The following JAG1 variants were observed in gnomAD, a reference collection of about 807,000 sequenced individuals.
JAG1 encodes the protein protein jagged-1.
Under a neutral mutation model 148.7 loss-of-function variants are expected in JAG1, and 23 were observed. The ratio of observed to expected loss-of-function variants is 0.15; its 90% CI spans 0.11 to 0.22. The LOEUF is 0.22. Among genes scored for constraint, JAG1 ranks in the 10% least tolerant of loss-of-function variants. The pLI, the probability that JAG1 is intolerant of heterozygous loss-of-function variation, is 1.00. For missense variants in JAG1, 1,054 were observed against 1,611.2 expected (o/e 0.65, Z 5.92); for synonymous variants, 572 against 598.3 (o/e 0.96, Z 0.64).
intron 3 of JAG1, among the ~76,000 whole-genome samples, chr20:10,659,559 CT>C (rs35826283): frequency 0.43 from 45,132 of 104,508 alleles, 12,072 homozygotes; most frequent in Non-Finnish European, 0.49. Context: ...GATTAAGTTA[CT>C]TTTTTTTTTT....
intron 11 of JAG1, 158 bp from the exon 12 acceptor site, chr20:10,648,880 G>T: frequency 2.2e-6 from 2 of 890,684 alleles, no homozygotes; most frequent in Non-Finnish European, 3.6e-6. Flanking sequence ...ATTTCTATGT[G>T]CATGCCTTCA....
rs746781162 is a variant in JAG1, at chr20:10,638,745, GAA to G, written c.*751_*752del. 1 of 152,522 alleles carries G rather than the reference GAA, an allele frequency of 6.6e-6. No homozygotes were observed. The highest frequency in any genetic ancestry group is 1.5e-5 in the Non-Finnish European group (1 of 68,030). 9.4% of individuals were successfully genotyped at this position (152,522 alleles called of 1,614,324 possible). On this transcript the variant is annotated 3_prime_UTR_variant, in exon 26 of 26. Coordinates refer to ENST00000254958, the MANE Select transcript of JAG1 (RefSeq NM_000214.3). Reference sequence around the variant, plus strand: ...TTGGCTTATAGGCAACAAGTAATGAGAAGAGTTCAAAAAAATAAAGCCATACG... The same window carrying G: ...TTGGCTTATAGGCAACAAGTAATGAGGAGTTCAAAAAAATAAAGCCATACG...
chr20:10,650,499 G>T (rs2067338393), intron 8 of JAG1, 139 bp from the exon 9 acceptor site: 2 of 678,302 alleles, frequency 2.9e-6, no homozygotes, highest in Admixed American at 4.2e-5. Context: ...AGCAGGACAA[G>T]TGGGACGGTG....
chr20:10,639,245 G>A lies in JAG1; in HGVS notation c.*253C>T, dbSNP rs780887274. ...GGGCAGGCTCCTGGGAGCCTGATCC[G>A]AGACCGTGTCGGCTGCAAGGGGACA... On this transcript the variant is annotated 3_prime_UTR_variant, in exon 26 of 26. Coordinates refer to ENST00000254958, the MANE Select transcript of JAG1 (RefSeq NM_000214.3). 1.2e-4 allele frequency: 61 copies of A among 527,990 alleles called. No individual in the cohort carries two copies. Among genetic ancestry groups the A allele is most frequent in the Non-Finnish European group, 1.7e-4 (49 of 288,246 alleles). The allele number at this position is 527,990 out of a possible 1,614,324, so 32.7% of individuals were successfully genotyped here.
intron 2 of JAG1, among the ~76,000 whole-genome samples, chr20:10,669,618 C>T (rs528068375): frequency 8.2e-4 from 91 of 111,084 alleles, no homozygotes; most frequent in African/African-American, 3.0e-3. Context: ...TTAATAGGAT[C>T]AATGGAATTT....
chr20:10,673,417 G>C lies in JAG1; in HGVS notation c.81+33C>G. 2 of 1,407,596 alleles carry C rather than the reference G, an allele frequency of 1.4e-6. No individual in the cohort carries two copies. The highest frequency in any genetic ancestry group is 1.9e-6 in the Non-Finnish European group (2 of 1,065,954). 87.2% of individuals were successfully genotyped at this position (1,407,596 alleles called of 1,614,324 possible). On this transcript the variant is annotated intron_variant, in intron 1 of 25. Coordinates refer to ENST00000254958, the MANE Select transcript of JAG1 (RefSeq NM_000214.3). The surrounding 1 kb of genome is among the most constrained non-coding windows in gnomAD (Gnocchi z 4.7). Reference sequence around the variant, plus strand: ...GGCGCCGCGAGGGGAGGGAGAGGACGGCTGGGAGGGAGGCCCGGAGAAGGG... The same window carrying C: ...GGCGCCGCGAGGGGAGGGAGAGGACCGCTGGGAGGGAGGCCCGGAGAAGGG...
intron 3 of JAG1, among the ~76,000 whole-genome samples, chr20:10,660,580 T>A (rs34101498): frequency 5.3e-5 from 8 of 152,040 alleles, no homozygotes; most frequent in African/African-American, 1.9e-4. Context: ...AGGACTGATA[T>A]GTACTTTTCA....
Position 10,648,662 on chromosome 20 carries a change from T to C in JAG1, c.1456A>G (p.Arg486Gly). The C allele has an allele frequency of 6.2e-7, 1 of 1,614,174 alleles. No individual in the cohort carries two copies. Among genetic ancestry groups the C allele is most frequent in the Non-Finnish European group, 8.5e-7 (1 of 1,179,990 alleles). Residue 486 changes from arginine to glycine, a missense_variant, in exon 12 of 26, where the codon AGA (arginine) becomes GGA (glycine). By Grantham distance (125) the Arg-to-Gly change is moderately radical. Transcript: ENST00000254958. ...PPGYAGDHCE[R>G]DIDECASNPC... ...TTGCTGGCACATTCATCGATGTCTC[T>C]CTCACAGTGATCGCCTGCATAGCCA...
At chr20:10,667,553 T>C (rs936880414) in intron 2 of JAG1, among the ~76,000 whole-genome samples, 1 of 152,190 alleles carries the variant, frequency 6.6e-6, no homozygotes, top group Non-Finnish European at 1.5e-5. Flanking sequence ...ATGCACACAA[T>C]GCGAGTGGGT....
chr20:10,645,314 G>A lies in JAG1; in HGVS notation c.2113+42C>T. On this transcript the variant is annotated intron_variant, in intron 16 of 25. Transcript: ENST00000254958. This position sits in a 1 kb window ranked among gnomAD's most constrained non-coding sequence, Gnocchi z 6.1. ...GGCCCCCTCCCACAGAAGACAGAGG[G>A]AAGGGTCCCAGAGATAGCATCCAAG... The A allele has an allele frequency of 6.2e-7, 1 of 1,605,272 alleles. No homozygotes were observed. The highest frequency in any genetic ancestry group is 1.7e-5 in the Admixed American group (1 of 60,018).
chr20:10,671,234 TTTAGC>T (rs1374912820), intron 2 of JAG1, among the ~76,000 whole-genome samples: 3 of 152,204 alleles, frequency 2.0e-5, no homozygotes, highest in African/African-American at 4.8e-5. Context: ...AGCCAGACTC[TTTAGC>T]TTAAAGTTCT....
rs1047191531 is a variant in JAG1, at chr20:10,639,324, C to T, written c.*174G>A. The T allele has an allele frequency of 1.5e-5, 11 of 718,774 alleles. 1 individual carries two copies. Among genetic ancestry groups the T allele is most frequent in the Middle Eastern group, 7.3e-4 (2 of 2,722 alleles). 44.5% of individuals were successfully genotyped at this position (718,774 alleles called of 1,614,324 possible). ...TTGCATAGCTGTGAGATGCGGCACT[C>T]GATTTCCCAGCCAACCACAGAAACT... On this transcript the variant is annotated 3_prime_UTR_variant, in exon 26 of 26. Transcript: ENST00000254958.
intron 2 of JAG1, among the ~76,000 whole-genome samples, chr20:10,665,814 A>G (rs185936264): frequency 6.6e-6 from 1 of 152,300 alleles, no homozygotes; most frequent in Admixed American, 6.5e-5. Context: ...AGGTGCCGGG[A>G]CTGAGCTGGC....
Position 10,648,980 on chromosome 20 carries a change from A to C in JAG1, c.1395+81T>G, listed in dbSNP as rs2122609482. On this transcript the variant is annotated intron_variant, in intron 11 of 25. Transcript: ENST00000254958. ...ACCCAAATTTTTAAATCTCACAGGG[A>C]CAGAGCTCTCCTAGTGTCGCACAAA... 1 of 1,196,328 alleles carries C rather than the reference A, an allele frequency of 8.4e-7. No individual in the cohort carries two copies. Among genetic ancestry groups the C allele is most frequent in the South Asian group, 1.2e-5 (1 of 81,834 alleles). 74.1% of individuals were successfully genotyped at this position (1,196,328 alleles called of 1,614,324 possible).
chr20:10,661,871 G>A (rs559443823), intron 3 of JAG1, among the ~76,000 whole-genome samples: 1 of 152,200 alleles, frequency 6.6e-6, no homozygotes, highest in Non-Finnish European at 1.5e-5. Flanking sequence ...AGATTTTTCA[G>A]AACTTGGAGG....
chr20:10,639,689 C>T lies in JAG1; in HGVS notation c.3466G>A (p.Val1156Ile). ...MSKIRTHNSEVEEDDMDKHQQ... is the reference protein window; with the variant it reads ...MSKIRTHNSEIEEDDMDKHQQ... ...TGTTTGTCCATGTCGTCCTCTTCTACTTCAGAATTGTGTGTCCTTATTTTA... is the reference window on the plus strand; with the variant it reads ...TGTTTGTCCATGTCGTCCTCTTCTATTTCAGAATTGTGTGTCCTTATTTTA... The change falls in exon 26 of 26, where the codon GTA becomes ATA. Residue 1156 changes from valine (V) to isoleucine (I), a missense_variant. By Grantham distance (29) the Val-to-Ile change is conservative (BLOSUM62 3). This residue lies in a region of JAG1 where 177 missense variants were observed against 177.3 expected (regional missense o/e 1.00). Coordinates refer to ENST00000254958, the MANE Select transcript of JAG1 (RefSeq NM_000214.3). 6.2e-7 allele frequency: 1 copy of T among 1,614,226 alleles called. No homozygotes were observed. The highest frequency in any genetic ancestry group is 8.5e-7 in the Non-Finnish European group (1 of 1,180,046).
At chr20:10,644,828 A>C (rs1425565169) in intron 18 of JAG1, 35 bp downstream of exon 18, 1 of 1,461,064 alleles carries the variant, frequency 6.8e-7, no homozygotes, top group Non-Finnish European at 9.6e-7. Flanking sequence ...CTGCTCCGAC[A>C]GCCCTGGGAG....
intron 2 of JAG1, among the ~76,000 whole-genome samples, chr20:10,672,151 C>T (rs1179083168): frequency 6.6e-6 from 1 of 152,114 alleles, no homozygotes; most frequent in Non-Finnish European, 1.5e-5. Context: ...GCCCTTAAGC[C>T]GAACCTGGAG....
intron 5 of JAG1, among the ~76,000 whole-genome samples, chr20:10,654,900 C>T (rs2067368907): frequency 6.6e-6 from 1 of 152,220 alleles, no homozygotes; most frequent in East Asian, 1.9e-4. Context: ...TCGGCCTCCG[C>T]TGATATCCAT....
Sources: gnomAD v4.1 joint callset for allele counts (sites outside exome capture counted in the v4.1 genomes callset) on GRCh38, gnomAD v4.1.1 for gene constraint, gnomAD v4.1.1 regional missense constraint, Gnocchi (gnomAD v3.1) non-coding constraint, MANE v1.5 for transcripts, NCBI Gene and HGNC (gene_info 2026-07-23, HGNC 2026-07-21) for gene names.